SLC9A7: variants seen among roughly 807,000 people sequenced by gnomAD.
SLC9A7 encodes sodium/hydrogen exchanger 7.
Under a neutral mutation model 52.6 loss-of-function variants are expected in SLC9A7, and 19 were observed. The observed-to-expected ratio is 0.36, with a 90% CI of 0.25 to 0.53. SLC9A7 has a LOEUF of 0.53. Ranked by LOEUF, SLC9A7 falls within the 20% of genes least tolerant of loss-of-function variation. The pLI is 0.91. For missense variants in SLC9A7, 455 were observed against 597.9 expected (o/e 0.76, Z 2.49); for synonymous variants, 226 against 252.1 (o/e 0.90, Z 0.98).
At chrX:46,746,050 C>T (rs1289218656) in intron 1 of SLC9A7, among the ~76,000 whole-genome samples, 4 of 107,634 alleles carry the variant, frequency 3.7e-5, no homozygotes, top group Non-Finnish European at 7.8e-5. Context: ...ACAGGTCGGG[C>T]GCAGTGGCTC....
intron 14 of SLC9A7, among the ~76,000 whole-genome samples, chrX:46,628,147 T>C (rs781057770): frequency 7.1e-5 from 8 of 112,236 alleles, no homozygotes; most frequent in African/African-American, 2.6e-4. Context: ...TTCACACTCT[T>C]AGCTGCTCCA....
chrX:46,742,331 C>T (rs1441108918), intron 1 of SLC9A7, among the ~76,000 whole-genome samples: 2 of 110,825 alleles, frequency 1.8e-5, no homozygotes, highest in East Asian at 5.6e-4. Flanking sequence ...TTTATAGCAG[C>T]CCTATTCATA....
chrX:46,655,015 C>T (rs1158190689), intron 7 of SLC9A7, among the ~76,000 whole-genome samples: 8 of 76,366 alleles, frequency 1.0e-4, no homozygotes, highest in Admixed American at 4.0e-4. Context: ...GACGGCATTT[C>T]GCTCTGTCAC....
At chrX:46,750,223 T>C (rs1231525161) in intron 1 of SLC9A7, among the ~76,000 whole-genome samples, 2 of 112,179 alleles carry the variant, frequency 1.8e-5, no homozygotes, top group Non-Finnish European at 3.8e-5. Flanking sequence ...CTCAGCTATA[T>C]TGAGTTCATC....
At chrX:46,748,544 AGT>A (rs200266669) in intron 1 of SLC9A7, among the ~76,000 whole-genome samples, 48 of 94,399 alleles carry the variant, frequency 5.1e-4, no homozygotes, top group South Asian at 3.8e-3. Flanking sequence ...ATAAATGTGG[AGT>A]GTGTGTGTGT....
intron 7 of SLC9A7, among the ~76,000 whole-genome samples, chrX:46,655,699 C>T (rs547812636): frequency 8.9e-6 from 1 of 112,805 alleles, no homozygotes. Flanking sequence ...GATTATATCC[C>T]GCACATGGCT....
At chrX:46,635,019 T>C (rs1008288464) in intron 13 of SLC9A7, among the ~76,000 whole-genome samples, 2 of 112,140 alleles carry the variant, frequency 1.8e-5, no homozygotes, top group Admixed American at 1.9e-4. Context: ...CTTGGAAGGA[T>C]ACAAGAAACA....
chrX:46,689,651 G>A (rs1476987758), intron 1 of SLC9A7, among the ~76,000 whole-genome samples: 1 of 105,350 alleles, frequency 9.5e-6, no homozygotes. Context: ...TGTGCAGAAC[G>A]TGCAGGTTTG....
At chrX:46,624,223 G>A (rs1041318755) in intron 14 of SLC9A7, among the ~76,000 whole-genome samples, 1 of 58,964 alleles carries the variant, frequency 1.7e-5, no homozygotes, top group African/African-American at 1.8e-4. Context: ...AACCTGAGGA[G>A]GGGTTGGGAA....
intron 7 of SLC9A7, among the ~76,000 whole-genome samples, chrX:46,656,000 T>A (rs1305350552): frequency 9.0e-6 from 1 of 110,717 alleles, no homozygotes; most frequent in Non-Finnish European, 1.9e-5. Flanking sequence ...GAGCAGTGGT[T>A]CTCCCAGCAC....
rs1261457342 is a variant in SLC9A7 at position 46,599,721 on chromosome X, C to CTT, written c.*7229_*7230dup. The CTT allele has an allele frequency of 1.8e-5, 2 of 111,494 alleles. No homozygotes were observed. The highest frequency in any genetic ancestry group is 3.3e-5 in the African/African-American group (1 of 30,666). The allele number at this position is 111,494 out of a possible 1,213,427, so 9.2% of individuals were successfully genotyped here. A position where few individuals can be genotyped will look rare whatever the true frequency, so the allele number is the denominator to read the frequency against. On this transcript the variant is annotated 3_prime_UTR_variant, in exon 17 of 17. Coordinates refer to ENST00000616978, the MANE Select transcript of SLC9A7 (RefSeq NM_001257291.2). ...AAGTCTTTAATTTTTCACAGTTATA[C>CTT]TTTAATGTCATTTTATATAACGTTT...
intron 1 of SLC9A7, among the ~76,000 whole-genome samples, chrX:46,727,879 T>G (rs1944970047): frequency 8.9e-6 from 1 of 112,074 alleles, no homozygotes. Context: ...ATCCCTTAAC[T>G]GTTAGTGACC....
At position 46,678,400 on chromosome X, in the gene SLC9A7, T is replaced by A. The variant is rs965483032; in HGVS notation, c.603+1278A>T. Among the ~76,000 whole-genome samples, 4 of 102,757 alleles carry A rather than the reference T, an allele frequency of 3.9e-5. No homozygotes were observed. The Admixed American group carries it at 4.3e-4, about 11-fold the overall frequency. 89.2% of individuals were successfully genotyped at this position (102,757 alleles called of 115,157 possible). On this transcript the variant is annotated intron_variant, in intron 3 of 16. Coordinates refer to ENST00000616978, the MANE Select transcript of SLC9A7 (RefSeq NM_001257291.2). ...CCATCCATAAATATTTGTAAAGATA[T>A]CTGGCATTTGTTTTTATTTATTTAT...
chrX:46,675,308 C>T (rs1278044599), intron 3 of SLC9A7, among the ~76,000 whole-genome samples: 3 of 111,341 alleles, frequency 2.7e-5, no homozygotes, highest in Non-Finnish European at 5.7e-5. Context: ...GAATGTTATA[C>T]CATCCGTTAA....
chrX:46,607,525 A>G lies in SLC9A7; in HGVS notation c.1930-322T>C, dbSNP rs183949908. On this transcript the variant is annotated intron_variant, in intron 16 of 16. Coordinates refer to ENST00000616978, the MANE Select transcript of SLC9A7 (RefSeq NM_001257291.2). ...CACAAAGCAAGGCCAGAGTAGGGTA[A>G]TTGGGCAAACGTTGCAAATAGGTTT... 4.5e-5 allele frequency among the ~76,000 whole-genome samples: 5 copies of G among 111,931 alleles called. No homozygotes were observed. The East Asian group carries it at 1.4e-3, about 31-fold the overall frequency.
At chrX:46,657,768 A>C (rs2146801009) in intron 7 of SLC9A7, among the ~76,000 whole-genome samples, 1 of 111,266 alleles carries the variant, frequency 9.0e-6, no homozygotes, top group South Asian at 3.8e-4. Flanking sequence ...CCACACATTA[A>C]TAATGGGAGA....
At chrX:46,669,462 A>G (rs895331905) in intron 5 of SLC9A7, 145 bp downstream of exon 5, 2 of 388,432 alleles carry the variant, frequency 5.1e-6, no homozygotes, top group African/African-American at 5.3e-5. Context: ...AGACCCACCT[A>G]TTGGTCACTT....
rs189080280 is a variant in SLC9A7 at position 46,732,492 on chromosome X, G to T, written c.325+26213C>A. On this transcript the variant is annotated intron_variant, in intron 1 of 16. Coordinates refer to ENST00000616978, the MANE Select transcript of SLC9A7 (RefSeq NM_001257291.2). Reference sequence around the variant, plus strand: ...CGCTTGAACCCGGGAGGCGGAGGTTGCAGTGAGCCAAGATCGTACCACTGC... The same window carrying T: ...CGCTTGAACCCGGGAGGCGGAGGTTTCAGTGAGCCAAGATCGTACCACTGC... 2.7e-3 allele frequency among the ~76,000 whole-genome samples: 297 copies of T among 109,972 alleles called. 1 individual carries two copies. The highest frequency in any genetic ancestry group is 9.5e-3 in the African/African-American group (287 of 30,212).
At chrX:46,614,107 G>A (rs946922799) in intron 15 of SLC9A7, among the ~76,000 whole-genome samples, 1 of 110,981 alleles carries the variant, frequency 9.0e-6, no homozygotes, top group African/African-American at 3.3e-5. Context: ...TTCTGTGTAT[G>A]GTAGGATATT....
Sources: gnomAD v4.1 joint callset for allele counts (sites outside exome capture counted in the v4.1 genomes callset) on GRCh38, gnomAD v4.1.1 for gene constraint, MANE v1.5 for transcripts, NCBI Gene and HGNC (gene_info 2026-07-23, HGNC 2026-07-21) for gene names.